CNTLN: variants seen among roughly 807,000 people sequenced by gnomAD.
CNTLN encodes the protein centlein, centrosomal protein.
In CNTLN, 212 loss-of-function variants were observed where a neutral mutation model predicts 180.0. The ratio of observed to expected loss-of-function variants is 1.18; its 90% confidence interval spans 1.05 to 1.32. The LOEUF is 1.32. Ranked by LOEUF, CNTLN falls within the 40% of genes most tolerant of loss-of-function variation. The pLI, the probability that CNTLN is intolerant of heterozygous loss-of-function variation, is 0.00. For missense variants in CNTLN, 2,095 were observed against 1,610.9 expected (o/e 1.30, Z -5.14); for synonymous variants, 722 against 563.1 (o/e 1.28, Z -3.99).
At position 17,306,146 on chromosome 9, in the gene CNTLN, A is replaced by ATTTTTT. The variant is rs572150057; in HGVS notation, c.1147-2896_1147-2891dup. 1.9e-3 allele frequency among the ~76,000 whole-genome samples: 238 copies of ATTTTTT among 127,958 alleles called. 1 individual carries two copies. Among genetic ancestry groups the ATTTTTT allele is most frequent in the Non-Finnish European group, 3.2e-3 (191 of 60,128 alleles). The allele number at this position is 127,958 out of a possible 152,430, so 83.9% of individuals were successfully genotyped here. On this transcript the variant is annotated intron_variant, in intron 7 of 25. Transcript: ENST00000380647. Reference sequence around the variant, plus strand: ...ACAAGAAGGGTGCTATTAGTCGTCTATTTTTTTTTTTTTTTTTTTTTGAGT... The same window carrying ATTTTTT: ...ACAAGAAGGGTGCTATTAGTCGTCTATTTTTTTTTTTTTTTTTTTTTTTTTTTGAGT...
chr9:17,177,521 A>G (rs899482383), intron 2 of CNTLN, among the ~76,000 whole-genome samples: 1 of 152,180 alleles, frequency 6.6e-6, no homozygotes, highest in African/African-American at 2.4e-5. Context: ...GGTGAGTGTC[A>G]CAGTTCTTAA....
At chr9:17,432,755 C>G (rs1829488678) in intron 18 of CNTLN, among the ~76,000 whole-genome samples, 1 of 152,104 alleles carries the variant, frequency 6.6e-6, no homozygotes, top group Non-Finnish European at 1.5e-5. Flanking sequence ...TGTGGTGGCT[C>G]ATGCCTGTAA....
intron 7 of CNTLN, chr9:17,299,477 G>A (rs1818198931): frequency 2.7e-5 from 27 of 981,996 alleles, no homozygotes; most frequent in Non-Finnish European, 3.1e-5. Context: ...TGTGAAAATC[G>A]AATGTCTATA....
chr9:17,521,889 G>A, the CNTLN span, among the ~76,000 whole-genome samples: 1 of 152,144 alleles, frequency 6.6e-6, no homozygotes, highest in Non-Finnish European at 1.5e-5. Context: ...TTTATTTATA[G>A]CTATAGCATT....
intron 19 of CNTLN, among the ~76,000 whole-genome samples, chr9:17,460,345 T>C (rs1160827758): frequency 6.6e-6 from 1 of 151,812 alleles, no homozygotes; most frequent in Non-Finnish European, 1.5e-5. Flanking sequence ...GATGACTTTT[T>C]ACCATTGTGA....
intron 23 of CNTLN, among the ~76,000 whole-genome samples, chr9:17,468,005 A>G (rs1831845590): frequency 6.6e-6 from 1 of 151,676 alleles, no homozygotes; most frequent in African/African-American, 2.4e-5. Flanking sequence ...GCCCATAAAC[A>G]ATAGACTGGA....
At chr9:17,434,769 A>T (rs891315560) in intron 18 of CNTLN, among the ~76,000 whole-genome samples, 2 of 152,072 alleles carry the variant, frequency 1.3e-5, no homozygotes, top group African/African-American at 2.4e-5. Flanking sequence ...TTAAGTATAT[A>T]GGTTGTCTGT....
At chr9:17,411,906 C>T (rs1463303251) in intron 16 of CNTLN, among the ~76,000 whole-genome samples, 3 of 152,232 alleles carry the variant, frequency 2.0e-5, no homozygotes, top group South Asian at 2.1e-4. Context: ...CATAGGGAAC[C>T]TGGATATCCA....
the CNTLN span, among the ~76,000 whole-genome samples, chr9:17,518,952 G>C: frequency 6.6e-6 from 1 of 152,106 alleles, no homozygotes; most frequent in African/African-American, 2.4e-5. Flanking sequence ...TTTTGAGACA[G>C]GGTCTCTGTC....
At chr9:17,172,450 C>G (rs1037228300) in intron 2 of CNTLN, among the ~76,000 whole-genome samples, 1 of 152,098 alleles carries the variant, frequency 6.6e-6, no homozygotes, top group Non-Finnish European at 1.5e-5. Context: ...ACCAATTTTT[C>G]CTCCATTTTT....
chr9:17,378,008 T>A (rs1824919027), intron 13 of CNTLN, among the ~76,000 whole-genome samples: 1 of 152,224 alleles, frequency 6.6e-6, no homozygotes. Context: ...TTGCATACTT[T>A]TCTATTCCAC....
chr9:17,473,290 C>G (rs1034563704), intron 23 of CNTLN, among the ~76,000 whole-genome samples: 4 of 152,196 alleles, frequency 2.6e-5, no homozygotes, highest in Admixed American at 1.3e-4. Flanking sequence ...TGCTTAGCCA[C>G]TCAATCTCAG....
At chr9:17,188,114 A>C (rs1418667238) in intron 2 of CNTLN, among the ~76,000 whole-genome samples, 1 of 151,506 alleles carries the variant, frequency 6.6e-6, no homozygotes, top group Non-Finnish European at 1.5e-5. Context: ...GCAAAGTTTC[A>C]TATCTGAAGA....
At chr9:17,273,973 C>A (rs1828122820) in intron 6 of CNTLN, 107 bp downstream of exon 6, 6 of 898,938 alleles carry the variant, frequency 6.7e-6, no homozygotes, top group Non-Finnish European at 9.9e-6. Flanking sequence ...ACTATGTTTT[C>A]TGTGGTTATA....
At chr9:17,515,037 T>C in the CNTLN span, among the ~76,000 whole-genome samples, 1 of 152,214 alleles carries the variant, frequency 6.6e-6, no homozygotes, top group African/African-American at 2.4e-5. Flanking sequence ...TTTATGTTTA[T>C]TCCATTGTCA....
intron 2 of CNTLN, among the ~76,000 whole-genome samples, chr9:17,144,362 T>C (rs1048632964): frequency 2.0e-5 from 3 of 152,158 alleles, no homozygotes; most frequent in African/African-American, 4.8e-5. Context: ...GAAGTACCCT[T>C]GTTACTTCCT....
chr9:17,301,103 G>A, intron 7 of CNTLN: 1 of 985,368 alleles, frequency 1.0e-6, no homozygotes, highest in African/African-American at 1.7e-5. Flanking sequence ...TGTCATACCA[G>A]TAATACTTTG....
At chr9:17,457,475 A>C (rs1268277731) in intron 18 of CNTLN, 49 bp from the exon 19 acceptor site, 10 of 1,003,118 alleles carry the variant, frequency 1.0e-5, no homozygotes, top group Non-Finnish European at 1.2e-5. Flanking sequence ...GATTAAATAT[A>C]GTTACTTTTA....
intron 12 of CNTLN, among the ~76,000 whole-genome samples, chr9:17,354,321 G>A (rs1043590508): frequency 6.6e-6 from 1 of 152,208 alleles, no homozygotes; most frequent in Non-Finnish European, 1.5e-5. Flanking sequence ...AGGAGTGCAG[G>A]CGCACGGCAC....
Sources: gnomAD v4.1 joint callset for allele counts (sites outside exome capture counted in the v4.1 genomes callset) on GRCh38, gnomAD v4.1.1 for gene constraint, MANE v1.5 for transcripts, NCBI Gene and HGNC (gene_info 2026-07-23, HGNC 2026-07-21) for gene names.